The following CIAO2A variants were observed in gnomAD, a reference collection of about 807,000 sequenced individuals.
CIAO2A encodes the protein MIP18 family protein FAM96A.
In CIAO2A, 17 loss-of-function variants were observed where a neutral mutation model predicts 22.4. The observed-to-expected ratio is 0.76, with a 90% CI of 0.52 to 1.14. CIAO2A has a LOEUF of 1.14. CIAO2A is among the 50% of genes most tolerant of loss of function. CIAO2A has a pLI of 0.00. For missense variants in CIAO2A, 192 were observed against 191.4 expected (o/e 1.00, Z -0.02); for synonymous variants, 74 against 72.3 (o/e 1.02, Z -0.12).
intron 1 of CIAO2A, among the ~76,000 whole-genome samples, chr15:64,090,822 G>C (rs144222470): frequency 2.0e-5 from 3 of 152,176 alleles, no homozygotes; most frequent in Non-Finnish European, 4.4e-5. Context: ...ACAATGACAA[G>C]GATAAGGGCA....
At chr15:64,089,302 C>T (rs191871675) in intron 1 of CIAO2A, among the ~76,000 whole-genome samples, 3 of 152,218 alleles carry the variant, frequency 2.0e-5, no homozygotes, top group Admixed American at 2.0e-4. Context: ...GCGGGAGGAT[C>T]ACTTGAGCTC....
intron 1 of CIAO2A, among the ~76,000 whole-genome samples, chr15:64,092,563 T>C (rs1322483857): frequency 6.6e-6 from 1 of 152,210 alleles, no homozygotes. Flanking sequence ...AAGTTGTATC[T>C]CCAGTGCCCT....
intron 1 of CIAO2A, among the ~76,000 whole-genome samples, chr15:64,089,421 A>G (rs1171170553): frequency 7.0e-6 from 1 of 143,286 alleles, no homozygotes; most frequent in Non-Finnish European, 1.5e-5. Flanking sequence ...CCAGCCACTC[A>G]GGAGGATCGC....
intron 2 of CIAO2A, among the ~76,000 whole-genome samples, chr15:64,082,897 T>G (rs986459656): frequency 6.6e-6 from 1 of 152,154 alleles, no homozygotes. Flanking sequence ...TTTCCTTATC[T>G]GCAAAACAGG....
chr15:64,073,856 G>C (rs2080694213), intron 4 of CIAO2A: 2 of 152,256 alleles, frequency 1.3e-5, no homozygotes, highest in South Asian at 4.1e-4. Context: ...TCTCGCCTTG[G>C]CCTCCCAAAG....
chr15:64,093,774 C>T lies in CIAO2A; in HGVS notation c.-6G>A, dbSNP rs778668919. On this transcript the variant is annotated 5_prime_UTR_variant, in exon 1 of 5. The change creates a new upstream start codon in the 5' untranslated region. Transcript: ENST00000300030. ...AGCCCGGACACCCGCTGCATCTTCA[C>T]GCTCAGCCATCCCTGGCGACTGTCC... 2.3e-5 allele frequency: 37 copies of T among 1,609,430 alleles called. No homozygotes were observed. Among genetic ancestry groups the T allele is most frequent in the Non-Finnish European group, 2.8e-5 (33 of 1,176,340 alleles).
At chr15:64,087,383 G>A (rs540214833) in intron 2 of CIAO2A, among the ~76,000 whole-genome samples, 17 of 152,104 alleles carry the variant, frequency 1.1e-4, no homozygotes, top group African/African-American at 3.1e-4. Flanking sequence ...AAGCCACCGC[G>A]CCCGGCCTAA....
At chr15:64,092,687 G>A (rs1431628947) in intron 1 of CIAO2A, among the ~76,000 whole-genome samples, 1 of 152,148 alleles carries the variant, frequency 6.6e-6, no homozygotes, top group African/African-American at 2.4e-5. Flanking sequence ...GGTAAGTCCT[G>A]CCTCTAGTAA....
At chr15:64,079,728 C>T (rs1483528396) in intron 3 of CIAO2A, among the ~76,000 whole-genome samples, 9 of 152,272 alleles carry the variant, frequency 5.9e-5, no homozygotes, top group Non-Finnish European at 1.0e-4. Context: ...ACTGTGATAT[C>T]CATATTCTTG....
rs755495140 is a variant in CIAO2A, at chr15:64,093,760, C to G, written c.9G>C (p.Arg3=). Residue 3 remains arginine, a synonymous_variant, in exon 1 of 5, where the codon CGG becomes CGC. Coordinates refer to ENST00000300030, the MANE Select transcript of CIAO2A (RefSeq NM_032231.7). MQ[R]VSGLLSWTLS... ...GCGTCCAGGAGAGCAGCCCGGACAC[C>G]CGCTGCATCTTCACGCTCAGCCATC... 4 of 1,610,590 alleles carry G rather than the reference C, an allele frequency of 2.5e-6. No homozygotes were observed. Among genetic ancestry groups the G allele is most frequent in the African/African-American group, 1.3e-5 (1 of 74,966 alleles).
intron 1 of CIAO2A, among the ~76,000 whole-genome samples, chr15:64,092,939 C>G (rs1253879153): frequency 6.6e-6 from 1 of 152,220 alleles, no homozygotes; most frequent in Admixed American, 6.5e-5. Context: ...ACAGCCTTTG[C>G]TTTTTGGCTC....
intron 1 of CIAO2A, among the ~76,000 whole-genome samples, 159 bp downstream of exon 1, chr15:64,093,486 C>T (rs1050571812): frequency 6.6e-6 from 1 of 152,010 alleles, no homozygotes; most frequent in Non-Finnish European, 1.5e-5. Context: ...AAGAAAGCGC[C>T]TGCTACGCCC....
At chr15:64,079,562 A>G (rs2080745590) in intron 3 of CIAO2A, among the ~76,000 whole-genome samples, 1 of 152,164 alleles carries the variant, frequency 6.6e-6, no homozygotes, top group Non-Finnish European at 1.5e-5. Context: ...ATTTGAACAT[A>G]TGAGATGGGA....
At position 64,093,806 on chromosome 15, in the gene CIAO2A, C is replaced by T. The variant is rs756175285; in HGVS notation, c.-38G>A. ...CCATCCCTGGCGACTGTCCCAATCG[C>T]GCCACCGTCTCTCAGCAGCCTCGGG... is the stretch of plus-strand genomic sequence containing the variant. On this transcript the variant is annotated 5_prime_UTR_variant, in exon 1 of 5. Coordinates refer to ENST00000300030, the MANE Select transcript of CIAO2A (RefSeq NM_032231.7). The T allele has an allele frequency of 6.3e-6, 10 of 1,597,494 alleles. No homozygotes were observed. The East Asian group carries it at 2.0e-4, about 32-fold the overall frequency.
chr15:64,078,494 G>A (rs887622717), intron 3 of CIAO2A, among the ~76,000 whole-genome samples: 2 of 152,130 alleles, frequency 1.3e-5, no homozygotes, highest in African/African-American at 4.8e-5. Flanking sequence ...AATTTAGCTG[G>A]GTGTGGTGGT....
chr15:64,081,171 C>T lies in CIAO2A; in HGVS notation c.290-20G>A. 6.2e-7 allele frequency: 1 copy of T among 1,608,786 alleles called. No homozygotes were observed. The highest frequency in any genetic ancestry group is 2.2e-5 in the East Asian group (1 of 44,748). On this transcript the variant is annotated intron_variant, in intron 2 of 4. Transcript: ENST00000300030. The stretch of plus-strand genomic sequence containing the variant: ...ACAGCCCTGTGGAGGGAAAATCACA[C>T]CTCCAATTATCTCTTTATTGCTTCT...
intron 2 of CIAO2A, among the ~76,000 whole-genome samples, chr15:64,082,926 G>T (rs2080767827): frequency 6.6e-6 from 1 of 152,088 alleles, no homozygotes; most frequent in South Asian, 2.1e-4. Context: ...TATCAGCTGG[G>T]CAAGGTGGCT....
At chr15:64,093,176 G>C (rs1328712027) in intron 1 of CIAO2A, among the ~76,000 whole-genome samples, 1 of 152,218 alleles carries the variant, frequency 6.6e-6, no homozygotes. Context: ...GCCGGATAGA[G>C]TGGCTGTGAC....
At chr15:64,080,236 A>T (rs2080749980) in intron 3 of CIAO2A, among the ~76,000 whole-genome samples, 1 of 152,058 alleles carries the variant, frequency 6.6e-6, no homozygotes, top group African/African-American at 2.4e-5. Flanking sequence ...AAATAAAAAA[A>T]AATTAGCCGG....
Sources: gnomAD v4.1 joint callset for allele counts (sites outside exome capture counted in the v4.1 genomes callset) on GRCh38, gnomAD v4.1.1 for gene constraint, MANE v1.5 for transcripts, NCBI Gene and HGNC (gene_info 2026-07-23, HGNC 2026-07-21) for gene names.